CPSF4: variants seen among roughly 807,000 people sequenced by gnomAD.
CPSF4 encodes the protein cleavage and polyadenylation specific factor 4, also known as cleavage and polyadenylation specificity factor subunit 4.
Under a neutral mutation model 37.7 loss-of-function variants are expected in CPSF4, and 11 were observed. That is an observed-to-expected ratio of 0.29 (90% CI 0.18 to 0.48). The LOEUF (loss-of-function observed/expected upper bound fraction) is 0.48. Ranked by LOEUF, CPSF4 falls within the 20% of genes least tolerant of loss-of-function variation. The pLI is 0.99. For missense variants in CPSF4, 144 were observed against 359.5 expected, an observed-to-expected ratio of 0.40 and a Z score of 4.85; for synonymous variants, 132 against 135.9, an observed-to-expected ratio of 0.97 and a Z score of 0.20.
chr7:99,448,328 C>T lies in CPSF4; in HGVS notation c.307+55C>T, dbSNP rs934277909. On this transcript the variant is annotated intron_variant, in intron 3 of 7. Coordinates refer to ENST00000292476, the MANE Select transcript of CPSF4 (RefSeq NM_006693.4). The surrounding 1 kb of genome is among the most constrained non-coding windows in gnomAD (Gnocchi z 4.4). ...CTGAGAACCAGGGTGCAGAGGGGTCCGCTGGCTGCTCAGTGCCCACACTGT... is the reference window on the plus strand; with the variant it reads ...CTGAGAACCAGGGTGCAGAGGGGTCTGCTGGCTGCTCAGTGCCCACACTGT... 2.7e-5 allele frequency: 43 copies of T among 1,585,446 alleles called. No individual in the cohort carries two copies. Among genetic ancestry groups the T allele is most frequent in the African/African-American group, 2.3e-4 (17 of 74,238 alleles).
intron 2 of CPSF4, 143 bp downstream of exon 2, chr7:99,444,982 A>G (rs2150989061): frequency 1.4e-6 from 1 of 723,894 alleles, no homozygotes; most frequent in Non-Finnish European, 2.3e-6. Flanking sequence ...TGGTTTGGAC[A>G]GGCTAGGACC....
At position 99,454,188 on chromosome 7, in the gene CPSF4, C is replaced by A. The variant is rs372992949; in HGVS notation, c.741+52C>A. On this transcript the variant is annotated intron_variant, in intron 7 of 7. Transcript: ENST00000292476. ...TGGGGTCTTCCCTTACCGTCAGTGG[C>A]CATTCCCTCATGCCCCATGTGTTTG... 6.1e-5 allele frequency: 90 copies of A among 1,479,008 alleles called. No individual in the cohort carries two copies. The East Asian group carries it at 1.2e-3, about 19-fold the overall frequency. The allele number at this position is 1,479,008 out of a possible 1,614,324, so 91.6% of individuals were successfully genotyped here.
At chr7:99,442,883 T>A (rs1391475290) in intron 1 of CPSF4, 1 of 1,188,592 alleles carries the variant, frequency 8.4e-7, no homozygotes, top group African/African-American at 1.5e-5. Context: ...GAACCTTTCA[T>A]CAGGCAATGC....
chr7:99,441,729 G>A (rs1797004875), intron 1 of CPSF4, among the ~76,000 whole-genome samples: 1 of 151,472 alleles, frequency 6.6e-6, no homozygotes, highest in African/African-American at 2.4e-5. Flanking sequence ...GTCTTGCTCT[G>A]TTACCCAGGC....
rs766880581 is a variant in CPSF4, at chr7:99,439,122, G to A, written c.40G>A (p.Asp14Asn). Residue 14 changes from aspartate to asparagine, a missense_variant, in exon 1 of 8, where the codon GAC becomes AAC. Transcript: ENST00000292476. ...CGCCAGCGTGGACCACATCAAGTTTGACTTGGAGATCGCGGTGGAGCAGCA... is the reference window on the plus strand; with the variant it reads ...CGCCAGCGTGGACCACATCAAGTTTAACTTGGAGATCGCGGTGGAGCAGCA... The part of the protein sequence containing the change: ...IIASVDHIKF[D>N]LEIAVEQQLG... 1.2e-6 allele frequency: 2 copies of A among 1,611,910 alleles called. No homozygotes were observed. Among genetic ancestry groups the A allele is most frequent in the Non-Finnish European group, 1.7e-6 (2 of 1,179,660 alleles).
intron 2 of CPSF4, among the ~76,000 whole-genome samples, chr7:99,445,740 T>C (rs958008190): frequency 6.6e-6 from 1 of 152,090 alleles, no homozygotes; most frequent in African/African-American, 2.4e-5. Flanking sequence ...AAAAATTAGC[T>C]GGGCATGGTG....
At chr7:99,442,896 A>C (rs1381106345) in intron 1 of CPSF4, 1 of 1,306,784 alleles carries the variant, frequency 7.7e-7, no homozygotes, top group South Asian at 1.2e-5. Context: ...GGCAATGCCA[A>C]AGCGCTCTGC....
intron 6 of CPSF4, 21 bp downstream of exon 6, chr7:99,452,461 C>G: frequency 1.9e-6 from 3 of 1,605,632 alleles, no homozygotes; most frequent in Non-Finnish European, 2.6e-6. Context: ...TGGCCTTCCT[C>G]GGTAGGAAGG....
chr7:99,444,708 G>T, intron 1 of CPSF4, 81 bp from the exon 2 acceptor site: 1 of 1,379,218 alleles, frequency 7.3e-7, no homozygotes. Flanking sequence ...AGGTCAGAAG[G>T]GTTCCCTCCC....
chr7:99,445,185 C>CT (rs1411806678), intron 2 of CPSF4, among the ~76,000 whole-genome samples: 2 of 152,222 alleles, frequency 1.3e-5, no homozygotes, highest in Admixed American at 6.5e-5. Flanking sequence ...GAACCCAGGT[C>CT]TTTCTCATTC....
intron 1 of CPSF4, among the ~76,000 whole-genome samples, chr7:99,440,674 A>ATATATATATATATATATATATTTTTTTT: frequency 2.3e-5 from 2 of 88,084 alleles, no homozygotes; most frequent in Admixed American, 1.2e-4. Flanking sequence ...ATATATATAT[A>ATATATATATATATATATATATTTTTTTT]TTTTTTTTTT....
intron 1 of CPSF4, chr7:99,443,549 C>T (rs983521707): frequency 1.1e-5 from 7 of 615,850 alleles, no homozygotes; most frequent in Admixed American, 9.5e-5. Context: ...GGGTGGGGTG[C>T]GGTGGCTCAA....
chr7:99,454,009 A>G lies in CPSF4; in HGVS notation c.614A>G (p.Gln205Arg), dbSNP rs753862977. 3.7e-6 allele frequency: 6 copies of G among 1,614,202 alleles called. No individual in the cohort carries two copies. Among genetic ancestry groups the G allele is most frequent in the Non-Finnish European group, 5.1e-6 (6 of 1,180,002 alleles). ...PPLQRSSSLI[Q>R]LTSQNSSPNQ... Reference sequence around the variant, plus strand: ...TTACAAAGGTCGTCCTCCTTGATCCAGTTAACGAGTCAGAACTCTTCTCCC... The same window carrying G: ...TTACAAAGGTCGTCCTCCTTGATCCGGTTAACGAGTCAGAACTCTTCTCCC... The change falls in exon 7 of 8, where the codon CAG becomes CGG. Residue 205 changes from glutamine to arginine, a missense_variant. Physicochemically the swap from Gln to Arg is conservative, Grantham distance 43. This residue lies in a region of CPSF4 where 86 missense variants were observed against 141.5 expected (regional missense o/e 0.61). Transcript: ENST00000292476.
intron 5 of CPSF4, among the ~76,000 whole-genome samples, chr7:99,451,840 A>G (rs1356119397): frequency 6.6e-6 from 1 of 152,188 alleles, no homozygotes; most frequent in African/African-American, 2.4e-5. Context: ...ACAGCAGGAT[A>G]ACAGTCTCCA....
Position 99,448,044 on chromosome 7 carries a change from C to A in CPSF4, c.155-77C>A. On this transcript the variant is annotated intron_variant, in intron 2 of 7. Coordinates refer to ENST00000292476, the MANE Select transcript of CPSF4 (RefSeq NM_006693.4). This position sits in a 1 kb window ranked among gnomAD's most constrained non-coding sequence, Gnocchi z 4.4. ...CTCCAGGAGTTAGGAAGTGAAGGTA[C>A]CTCAGCTTCTTCAGGCCGTGTCCCC... 1.3e-6 allele frequency: 2 copies of A among 1,491,240 alleles called. No individual in the cohort carries two copies. Among genetic ancestry groups the A allele is most frequent in the South Asian group, 1.2e-5 (1 of 82,656 alleles). The allele number at this position is 1,491,240 out of a possible 1,614,324, so 92.4% of individuals were successfully genotyped here.
intron 1 of CPSF4, 33 bp downstream of exon 1, chr7:99,439,218 C>G (rs1249957992): frequency 1.3e-6 from 2 of 1,499,088 alleles, no homozygotes; most frequent in East Asian, 4.7e-5. Flanking sequence ...AGGGCAAGAG[C>G]GACTCGAACC....
At chr7:99,452,518 G>A in intron 6 of CPSF4, 78 bp downstream of exon 6, 2 of 1,338,130 alleles carry the variant, frequency 1.5e-6, no homozygotes, top group Non-Finnish European at 2.1e-6. Context: ...CAGGGGTGTG[G>A]TCTGCCTTAG....
intron 7 of CPSF4, 31 bp from the exon 8 acceptor site, chr7:99,456,401 C>T: frequency 6.2e-7 from 1 of 1,607,540 alleles, no homozygotes; most frequent in Non-Finnish European, 8.5e-7. Context: ...TTGTCTGTCT[C>T]TCCTCTTCCC....
In CPSF4 at chr7:99,448,379, A is replaced by G. The variant is rs1371885243; in HGVS notation, c.307+106A>G. ...CTCTGCCTGCTTTTCCCATCTTTCT[A>G]TTCTCAGAGGAGAACTCTGGCAGAA... On this transcript the variant is annotated intron_variant, in intron 3 of 7. Transcript: ENST00000292476. This position sits in a 1 kb window ranked among gnomAD's most constrained non-coding sequence, Gnocchi z 4.4. The G allele has an allele frequency of 3.9e-6, 5 of 1,276,410 alleles. No individual in the cohort carries two copies. The highest frequency in any genetic ancestry group is 1.5e-5 in the African/African-American group (1 of 66,076). 79.1% of individuals were successfully genotyped at this position (1,276,410 alleles called of 1,614,324 possible). A position where few individuals can be genotyped will look rare whatever the true frequency, so the allele number is the denominator to read the frequency against.
Sources: allele counts gnomAD v4.1 joint callset (sites outside exome capture counted in the v4.1 genomes callset), GRCh38; gene constraint gnomAD v4.1.1; regional missense constraint gnomAD v4.1.1; non-coding constraint Gnocchi (gnomAD v3.1); transcripts MANE v1.5; gene names NCBI Gene and HGNC (gene_info 2026-07-23, HGNC 2026-07-21).